The following BMPR1A variants were observed in gnomAD, a reference collection of about 807,000 sequenced individuals.
BMPR1A encodes bone morphogenetic protein receptor type-1A.
A neutral mutation model predicts 66.0 loss-of-function variants in BMPR1A; 7 were observed. That is an observed-to-expected ratio of 0.11 (90% CI 0.06 to 0.20). BMPR1A has a LOEUF of 0.20. BMPR1A is among the 10% of genes least tolerant of loss of function. BMPR1A has a pLI of 1.00. For synonymous variants in BMPR1A, 200 were observed against 229.7 expected (o/e 0.87, Z 1.17); for missense variants, 408 against 669.1 (o/e 0.61, Z 4.31).
intron 3 of BMPR1A, among the ~76,000 whole-genome samples, chr10:86,888,624 C>A (rs1469000176): frequency 2.0e-5 from 3 of 151,794 alleles, no homozygotes; most frequent in African/African-American, 7.3e-5. Context: ...CCCAGGAGTT[C>A]AAGACCAACC....
intron 1 of BMPR1A, among the ~76,000 whole-genome samples, chr10:86,829,809 A>T (rs1469181175): frequency 6.6e-6 from 1 of 152,182 alleles, no homozygotes; most frequent in African/African-American, 2.4e-5. Context: ...CACCTTTTGA[A>T]AGATAATCTC....
chr10:86,777,620 T>G (rs1589710914), intron 1 of BMPR1A, among the ~76,000 whole-genome samples: 1 of 152,140 alleles, frequency 6.6e-6, no homozygotes, highest in Non-Finnish European at 1.5e-5. Context: ...CTCTTAACAA[T>G]TATTAAGTAT....
chr10:86,806,562 A>AT (rs1324890063), intron 1 of BMPR1A, among the ~76,000 whole-genome samples: 2 of 151,800 alleles, frequency 1.3e-5, no homozygotes, highest in African/African-American at 2.4e-5. Context: ...GTCCTTATGG[A>AT]TTTTTTTCAT....
At chr10:86,841,326 C>G (rs781732631) in intron 2 of BMPR1A, among the ~76,000 whole-genome samples, 2 of 152,178 alleles carry the variant, frequency 1.3e-5, no homozygotes, top group Non-Finnish European at 2.9e-5. Context: ...TTATTCCACA[C>G]TGTGTACATA....
intron 1 of BMPR1A, among the ~76,000 whole-genome samples, chr10:86,818,114 G>A (rs1473119131): frequency 6.6e-6 from 1 of 152,142 alleles, no homozygotes; most frequent in Admixed American, 6.5e-5. Flanking sequence ...TGCTTCCCGG[G>A]TTCAAACGAT....
chr10:86,772,366 A>G (rs568136796), intron 1 of BMPR1A, among the ~76,000 whole-genome samples: 1 of 151,710 alleles, frequency 6.6e-6, no homozygotes, highest in South Asian at 2.1e-4. Flanking sequence ...TCCTGACCTC[A>G]TGATCTCCCC....
upstream of BMPR1A, chr10:86,756,121 G>A (rs1286455016): frequency 1.3e-5 from 2 of 152,240 alleles, no homozygotes; most frequent in Non-Finnish European, 2.9e-5. Context: ...GTCGGCCGGA[G>A]GAGGGGTCCA....
chr10:86,864,927 G>A (rs971467605), intron 2 of BMPR1A, among the ~76,000 whole-genome samples: 7 of 151,924 alleles, frequency 4.6e-5, no homozygotes, highest in Non-Finnish European at 7.4e-5. Flanking sequence ...CCCTAATCCC[G>A]CTTGAAGCAG....
Position 86,756,865 on chromosome 10 carries a change from G to T in BMPR1A, c.-322G>T, listed in dbSNP as rs1301709755. On this transcript the variant is annotated 5_prime_UTR_variant, in exon 1 of 13. Coordinates refer to ENST00000372037, the MANE Select transcript of BMPR1A (RefSeq NM_004329.3). ...GGGCCCCACTTCGCCCCGGCGGCTC[G>T]CCGCGCCCACCCGCTCCGCGCCGAG... is the stretch of plus-strand genomic sequence containing the variant. 6.6e-6 allele frequency: 1 copy of T among 151,812 alleles called. No homozygotes were observed. The highest frequency in any genetic ancestry group is 2.4e-5 in the African/African-American group (1 of 41,376). The allele number at this position is 151,812 out of a possible 1,614,324, so 9.4% of individuals were successfully genotyped here.
Position 86,882,688 on chromosome 10 carries a change from G to A in BMPR1A, c.67+6603G>A, listed in dbSNP as rs557335945. On this transcript the variant is annotated intron_variant, in intron 3 of 12. Coordinates refer to ENST00000372037, the MANE Select transcript of BMPR1A (RefSeq NM_004329.3). ...AAAAAAAAAAAAAAAGACCCAACAC[G>A]GTGGCTCATGTCATGTCTATAATCC... 9.0e-4 allele frequency among the ~76,000 whole-genome samples: 135 copies of A among 149,778 alleles called. 1 individual carries two copies. The highest frequency in any genetic ancestry group is 3.0e-3 in the African/African-American group (123 of 40,910).
At chr10:86,874,601 G>GTTTCACT (rs1266668529) in intron 2 of BMPR1A, among the ~76,000 whole-genome samples, 6 of 151,038 alleles carry the variant, frequency 4.0e-5, no homozygotes, top group South Asian at 2.1e-4. Flanking sequence ...TAGAGACGGG[G>GTTTCACT]TTTCACTATG....
intron 2 of BMPR1A, among the ~76,000 whole-genome samples, chr10:86,845,458 C>T (rs1410881012): frequency 6.6e-6 from 1 of 152,188 alleles, no homozygotes; most frequent in Non-Finnish European, 1.5e-5. Context: ...TGCTGTTGAG[C>T]AGTCTCCCTT....
intron 1 of BMPR1A, among the ~76,000 whole-genome samples, chr10:86,811,072 T>C (rs929819772): frequency 6.6e-6 from 1 of 152,240 alleles, no homozygotes; most frequent in African/African-American, 2.4e-5. Flanking sequence ...AGAGTATTGC[T>C]CTGTTGCCCT....
At chr10:86,773,845 TATTTC>T (rs1841304126) in intron 1 of BMPR1A, among the ~76,000 whole-genome samples, 1 of 146,368 alleles carries the variant, frequency 6.8e-6, no homozygotes, top group Admixed American at 7.0e-5. Context: ...GTACAGCATG[TATTTC>T]ATTCTTTTTT....
chr10:86,800,702 G>A (rs1841800538), intron 1 of BMPR1A, among the ~76,000 whole-genome samples: 2 of 152,302 alleles, frequency 1.3e-5, no homozygotes, highest in South Asian at 4.1e-4. Flanking sequence ...CAGGCGATTT[G>A]TGTTTTAAGA....
In BMPR1A at chr10:86,892,341, G is replaced by A. The variant is rs1843164111; in HGVS notation, c.333+112G>A. ...TACACATCGCTGTATGTTCACATCA[G>A]TAAATATATTGGAGGAATACCTACT... is the stretch of plus-strand genomic sequence containing the variant. On this transcript the variant is annotated intron_variant, in intron 5 of 12. Transcript: ENST00000372037. 6 of 787,356 alleles carry A rather than the reference G, an allele frequency of 7.6e-6. No individual in the cohort carries two copies. In the East Asian group the frequency reaches 1.6e-4, roughly 21 times the overall value. 48.8% of individuals were successfully genotyped at this position (787,356 alleles called of 1,614,324 possible).
intron 1 of BMPR1A, among the ~76,000 whole-genome samples, chr10:86,801,672 C>G (rs1841812398): frequency 6.6e-6 from 1 of 152,064 alleles, no homozygotes; most frequent in Admixed American, 6.6e-5. Flanking sequence ...GGTCTGCTTG[C>G]AACACTTCCT....
intron 1 of BMPR1A, among the ~76,000 whole-genome samples, chr10:86,837,443 T>C (rs912220379): frequency 3.3e-5 from 5 of 152,350 alleles, no homozygotes; most frequent in African/African-American, 9.6e-5. Context: ...ATTTGAACTT[T>C]GTTTAATACA....
chr10:86,899,836 C>T lies in BMPR1A; in HGVS notation c.376C>T (p.Arg126Trp), dbSNP rs781258592. Residue 126 changes from arginine (R) to tryptophan (W), a missense_variant, in exon 6 of 13, where the codon CGG (arginine) becomes TGG (tryptophan). Around this residue, in one of 5 missense-constraint regions of BMPR1A, gnomAD observed 174 missense variants for 265.1 expected, o/e 0.66. Transcript: ENST00000372037. ...GCTACGCCGGACAATAGAATGTTGT[C>T]GGACCAATTTATGTAACCAGTATTT... ...AQLRRTIECC[R>W]TNLCNQYLQP... 4 of 1,614,146 alleles carry T rather than the reference C, an allele frequency of 2.5e-6. No homozygotes were observed. The highest frequency in any genetic ancestry group is 2.2e-5 in the East Asian group (1 of 44,880).
Sources: allele counts gnomAD v4.1 joint callset (sites outside exome capture counted in the v4.1 genomes callset), GRCh38; gene constraint gnomAD v4.1.1; regional missense constraint gnomAD v4.1.1; transcripts MANE v1.5; gene names NCBI Gene and HGNC (gene_info 2026-07-23, HGNC 2026-07-21).